The following DIXDC1 variants were observed in gnomAD, a reference collection of about 807,000 sequenced individuals.
The protein encoded by DIXDC1 is DIX domain containing 1, also known as dixin.
Under a neutral mutation model 103.1 loss-of-function variants are expected in DIXDC1, and 64 were observed. The observed-to-expected ratio is 0.62, with a 90% CI of 0.51 to 0.76. The LOEUF (loss-of-function observed/expected upper bound fraction) is 0.76, where lower values mean the gene tolerates loss of function less well. DIXDC1 is among the 30% of genes least tolerant of loss of function. DIXDC1 has a pLI of 0.00. For missense variants in DIXDC1, 759 were observed against 834.2 expected (o/e 0.91, Z 1.11); for synonymous variants, 266 against 298.5 (o/e 0.89, Z 1.12).
At chr11:111,957,301 T>C (rs1312263493) in intron 1 of DIXDC1, among the ~76,000 whole-genome samples, 2 of 152,148 alleles carry the variant, frequency 1.3e-5, no homozygotes, top group African/African-American at 4.8e-5. Context: ...ATAATAATAA[T>C]TGTAGCAGGA....
intron 10 of DIXDC1, among the ~76,000 whole-genome samples, chr11:111,992,188 A>C (rs868940789): frequency 1.5e-4 from 23 of 152,322 alleles, no homozygotes; most frequent in Middle Eastern, 6.8e-3. Context: ...ATCAGGCTTC[A>C]GTAAGTTTCA....
chr11:111,932,283 C>T (rs587594314), intron 2 of DIXDC1, among the ~76,000 whole-genome samples: 2 of 151,796 alleles, frequency 1.3e-5, no homozygotes, highest in South Asian at 4.2e-4. Context: ...AGTGATCCTC[C>T]TGCCTCGGCC....
intron 1 of DIXDC1, among the ~76,000 whole-genome samples, chr11:111,961,024 G>A (rs1859558635): frequency 1.3e-5 from 2 of 152,310 alleles, no homozygotes; most frequent in South Asian, 2.1e-4. Flanking sequence ...TGGCAACAGC[G>A]GGCTGGGTCA....
At chr11:111,935,239 A>G (rs111434740), upstream of DIXDC1, among the ~76,000 whole-genome samples, 978 of 152,316 alleles carry the variant, frequency 6.4e-3, 11 homozygotes, top group African/African-American at 0.022. Context: ...TAGTTTCCAT[A>G]CTGACTTGCT....
chr11:111,941,143 C>T (rs1966403636), intron 1 of DIXDC1, among the ~76,000 whole-genome samples: 1 of 152,152 alleles, frequency 6.6e-6, no homozygotes, highest in Admixed American at 6.5e-5. Context: ...AGGCTGGGTG[C>T]TGTGGTTCAC....
At chr11:111,995,279 C>A in intron 15 of DIXDC1, 124 bp from the exon 16 acceptor site, 3 of 1,393,358 alleles carry the variant, frequency 2.2e-6, no homozygotes, top group African/African-American at 1.4e-5. Context: ...AATTAGTGGG[C>A]AAACCATAGG....
chr11:111,945,558 C>T (rs1409038136), intron 1 of DIXDC1: 3 of 152,184 alleles, frequency 2.0e-5, no homozygotes, highest in South Asian at 2.1e-4. Context: ...CTGATCATTC[C>T]TACTTTGCCT....
intron 8 of DIXDC1, 127 bp downstream of exon 8, chr11:111,985,448 C>G (rs782661280): frequency 4.9e-5 from 34 of 699,420 alleles, no homozygotes; most frequent in Admixed American, 9.1e-5. Context: ...TTTCCTCCTA[C>G]ATTTTTGACC....
chr11:111,930,979 G>A (rs993773263), intron 2 of DIXDC1, among the ~76,000 whole-genome samples: 6 of 148,832 alleles, frequency 4.0e-5, no homozygotes, highest in African/African-American at 1.2e-4. Context: ...TCAGCCTCCC[G>A]AGCAGCTGGG....
At chr11:111,953,644 CAATA>C (rs2137478858) in intron 1 of DIXDC1, among the ~76,000 whole-genome samples, 1 of 152,104 alleles carries the variant, frequency 6.6e-6, no homozygotes, top group Admixed American at 6.5e-5. Flanking sequence ...ATCAATCAAT[CAATA>C]AATAAAATCA....
Position 111,974,899 on chromosome 11 carries a change from T to C in DIXDC1, c.572T>C (p.Ile191Thr), listed in dbSNP as rs782664516. The change falls in exon 5 of 20, where the codon ATT (isoleucine) becomes ACT (threonine). Residue 191 changes from isoleucine (I) to threonine (T), a missense_variant. Physicochemically the swap from Ile to Thr is moderately conservative, Grantham distance 89 (BLOSUM62 -1). Coordinates refer to ENST00000440460, the MANE Select transcript of DIXDC1 (RefSeq NM_001037954.4). ...AGGAACAGCAGCATGGATGAGGAAATTGAGAATCCATACTGGAGTGTGCGG... is the reference window on the plus strand; with the variant it reads ...AGGAACAGCAGCATGGATGAGGAAACTGAGAATCCATACTGGAGTGTGCGG... ...RQRNSSMDEE[I>T]ENPYWSVRAL... 2 of 1,613,632 alleles carry C rather than the reference T, an allele frequency of 1.2e-6. No individual in the cohort carries two copies. Among genetic ancestry groups the C allele is most frequent in the East Asian group, 2.2e-5 (1 of 44,882 alleles).
At position 111,966,292 on chromosome 11, in the gene DIXDC1, G is replaced by A. The variant is rs1034245082; in HGVS notation, c.190+1614G>A. Reference sequence around the variant, plus strand: ...GGCTGGAGTGCAATGGCATAATCTCGGCTCACTGCAGCCTCCACCTTCTGG... The same window carrying A: ...GGCTGGAGTGCAATGGCATAATCTCAGCTCACTGCAGCCTCCACCTTCTGG... On this transcript the variant is annotated intron_variant, in intron 2 of 19. Coordinates refer to ENST00000440460, the MANE Select transcript of DIXDC1 (RefSeq NM_001037954.4). Among the ~76,000 whole-genome samples the A allele has an allele frequency of 6.2e-5, 8 of 129,848 alleles. No homozygotes were observed. In the South Asian group the frequency reaches 1.7e-3, roughly 28 times the overall value. The allele number at this position is 129,848 out of a possible 152,430, so 85.2% of individuals were successfully genotyped here.
intron 17 of DIXDC1, among the ~76,000 whole-genome samples, chr11:111,997,418 C>T (rs1860937624): frequency 1.3e-5 from 2 of 152,066 alleles, no homozygotes; most frequent in Non-Finnish European, 2.9e-5. Flanking sequence ...TCACTGCAAC[C>T]TCTGTCTCCC....
intron 1 of DIXDC1, among the ~76,000 whole-genome samples, chr11:111,955,319 G>GCAA (rs1267097878): frequency 6.9e-6 from 1 of 145,404 alleles, no homozygotes; most frequent in Non-Finnish European, 1.5e-5. Context: ...TCCAGCCTGG[G>GCAA]CAACAGAGTG....
At chr11:111,957,931 C>T (rs146806561) in intron 1 of DIXDC1, among the ~76,000 whole-genome samples, 25 of 152,356 alleles carry the variant, frequency 1.6e-4, no homozygotes, top group African/African-American at 6.0e-4. Flanking sequence ...GTGGCCGGGG[C>T]GGCACGCTCC....
intron 1 of DIXDC1, among the ~76,000 whole-genome samples, chr11:111,961,160 C>A (rs782611431): frequency 1.7e-4 from 26 of 152,200 alleles, no homozygotes; most frequent in Non-Finnish European, 3.4e-4. Context: ...GCCGATGCTA[C>A]TGATCTGGGA....
intron 1 of DIXDC1, among the ~76,000 whole-genome samples, chr11:111,949,958 T>A (rs187214888): frequency 6.6e-6 from 1 of 152,282 alleles, no homozygotes; most frequent in Non-Finnish European, 1.5e-5. Flanking sequence ...CAGCAATCAC[T>A]TTGTGTCCGT....
At chr11:111,991,927 G>C (rs1860723458) in intron 10 of DIXDC1, among the ~76,000 whole-genome samples, 5 of 152,146 alleles carry the variant, frequency 3.3e-5, no homozygotes, top group Non-Finnish European at 7.4e-5. Context: ...CAGGAAATGG[G>C]GACTGGGCAG....
chr11:112,012,361 T>C lies in DIXDC1; in HGVS notation c.1757-4330T>C, dbSNP rs142786412. Among the ~76,000 whole-genome samples, 670 of 152,326 alleles carry C rather than the reference T, an allele frequency of 4.4e-3. 3 individuals are homozygous for C. The highest frequency in any genetic ancestry group is 0.015 in the African/African-American group (636 of 41,572). On this transcript the variant is annotated intron_variant, in intron 17 of 19. Transcript: ENST00000440460. ...ATCAAGACAGTGTAGTATTGGTGAATTGGTAGATACATAGATGAGTGGAAC... is the reference window on the plus strand; with the variant it reads ...ATCAAGACAGTGTAGTATTGGTGAACTGGTAGATACATAGATGAGTGGAAC...
Sources: gnomAD v4.1 joint callset for allele counts (sites outside exome capture counted in the v4.1 genomes callset) on GRCh38, gnomAD v4.1.1 for gene constraint, MANE v1.5 for transcripts, NCBI Gene and HGNC (gene_info 2026-07-23, HGNC 2026-07-21) for gene names.